Variants in FRMD4B observed in about 807,000 individuals in gnomAD.
FRMD4B encodes the protein FERM domain-containing protein 4B.
Under a neutral mutation model 141.5 loss-of-function variants are expected in FRMD4B, and 74 were observed. The ratio of observed to expected loss-of-function variants is 0.52; its 90% CI spans 0.43 to 0.63. The LOEUF is 0.63. Ranked by LOEUF, FRMD4B falls within the 30% of genes least tolerant of loss-of-function variation. The probability of loss-of-function intolerance (pLI) is 0.00; values close to 1 mark genes in which losing one functional copy is unlikely to be tolerated. For synonymous variants in FRMD4B, 506 were observed against 467.9 expected (o/e 1.08, Z -1.05); for missense variants, 1,366 against 1,253.4 (o/e 1.09, Z -1.36).
At chr3:69,315,935 C>T (rs1007636738) in intron 1 of FRMD4B, among the ~76,000 whole-genome samples, 2 of 152,226 alleles carry the variant, frequency 1.3e-5, no homozygotes, top group African/African-American at 2.4e-5. Flanking sequence ...TGAGTACCAA[C>T]AACCTATTCA....
intron 1 of FRMD4B, among the ~76,000 whole-genome samples, chr3:69,378,628 T>C (rs1704035186): frequency 2.0e-5 from 3 of 152,196 alleles, no homozygotes. Context: ...TGCTTCCCTA[T>C]GCAATACTTC....
At chr3:69,515,510 G>A (rs1186223768) in intron 1 of FRMD4B, among the ~76,000 whole-genome samples, 1 of 152,034 alleles carries the variant, frequency 6.6e-6, no homozygotes, top group Non-Finnish European at 1.5e-5. Context: ...GGACTCATGG[G>A]TATTTTATTC....
At chr3:69,181,793 A>T in intron 20 of FRMD4B, 83 bp from the exon 21 acceptor site, 3 of 775,654 alleles carry the variant, frequency 3.9e-6, no homozygotes, top group South Asian at 1.8e-5. Context: ...ATGCTGAATG[A>T]CTGAATAGCT....
chr3:69,409,169 A>G (rs1575791624), intron 2 of FRMD4B, among the ~76,000 whole-genome samples: 1 of 152,164 alleles, frequency 6.6e-6, no homozygotes, highest in African/African-American at 2.4e-5. Context: ...TTGGTTCAGC[A>G]CTTCTTTGTG....
At position 69,171,924 on chromosome 3, in the gene FRMD4B, G is replaced by T. The variant is rs373666395; in HGVS notation, c.3042C>A (p.Asn1014Lys). Residue 1014 changes from asparagine (N) to lysine (K), a missense_variant, in exon 23 of 23, where the codon AAC becomes AAA. By Grantham distance (94) the Asn-to-Lys change is moderately conservative. Coordinates refer to ENST00000398540, the MANE Select transcript of FRMD4B (RefSeq NM_015123.3). ...AGAGTCTCTGCTCACTACTCTCCAGGTTGTCTTCCAGCTGGTTTCCATCTG... is the reference window on the plus strand; with the variant it reads ...AGAGTCTCTGCTCACTACTCTCCAGTTTGTCTTCCAGCTGGTTTCCATCTG... ...DGTDGNQLED[N>K]LESSEQRLFW... 1.9e-6 allele frequency: 3 copies of T among 1,612,186 alleles called. No individual in the cohort carries two copies. Among genetic ancestry groups the T allele is most frequent in the African/African-American group, 2.7e-5 (2 of 74,862 alleles).
chr3:69,196,753 A>T, intron 13 of FRMD4B, 147 bp downstream of exon 13: 1 of 646,768 alleles, frequency 1.5e-6, no homozygotes, highest in Non-Finnish European at 2.6e-6. Flanking sequence ...GTAAACATAT[A>T]AAAAACCTGA....
intron 1 of FRMD4B, among the ~76,000 whole-genome samples, chr3:69,356,165 A>G (rs1211072847): frequency 6.6e-6 from 1 of 151,966 alleles, no homozygotes; most frequent in Non-Finnish European, 1.5e-5. Flanking sequence ...CAATAAAATC[A>G]CTCTACCCCC....
intron 2 of FRMD4B, among the ~76,000 whole-genome samples, chr3:69,403,621 G>T (rs577836276): frequency 6.6e-6 from 1 of 152,210 alleles, no homozygotes; most frequent in Admixed American, 6.5e-5. Context: ...TTCACAGAGA[G>T]GAGAAACAGG....
intron 2 of FRMD4B, among the ~76,000 whole-genome samples, chr3:69,396,856 C>T (rs1005091992): frequency 6.6e-6 from 1 of 152,114 alleles, no homozygotes; most frequent in East Asian, 1.9e-4. Flanking sequence ...TGAAAACAGG[C>T]ATTTTAAAAA....
rs143541603 is a variant in FRMD4B, at chr3:69,226,846, C to A, written c.582-2156G>T. Reference sequence around the variant, plus strand: ...TGAGGGAGAAATTTTATCTGTCATTCCATTCAATAAGCTCATGGTTGAGAG... The same window carrying A: ...TGAGGGAGAAATTTTATCTGTCATTACATTCAATAAGCTCATGGTTGAGAG... On this transcript the variant is annotated intron_variant, in intron 7 of 22. Coordinates refer to ENST00000398540, the MANE Select transcript of FRMD4B (RefSeq NM_015123.3). Among the ~76,000 whole-genome samples the A allele has an allele frequency of 4.2e-3, 643 of 152,244 alleles. 7 individuals carry two copies. Among genetic ancestry groups the A allele is most frequent in the African/African-American group, 0.014 (575 of 41,556 alleles).
At chr3:69,501,682 G>A (rs1167806524) in intron 1 of FRMD4B, among the ~76,000 whole-genome samples, 1 of 152,118 alleles carries the variant, frequency 6.6e-6, no homozygotes. Context: ...CCTGGCCAGG[G>A]AAATCAGGCA....
At position 69,299,436 on chromosome 3, in the gene FRMD4B, A is replaced by G. The variant is rs866758578; in HGVS notation, c.416+2907T>C. 9.9e-5 allele frequency among the ~76,000 whole-genome samples: 15 copies of G among 152,278 alleles called. 2 individuals carry two copies. The Middle Eastern group carries it at 0.024, about 242-fold the overall frequency. ...CTGGTAACAGTGACTTATTAAAGTA[A>G]TGATTTATGAGAGGAGGGGTGGAGA... is the stretch of plus-strand genomic sequence containing the variant. On this transcript the variant is annotated intron_variant, in intron 4 of 22. Transcript: ENST00000398540.
intron 7 of FRMD4B, among the ~76,000 whole-genome samples, chr3:69,244,216 G>T (rs1290589394): frequency 6.6e-6 from 1 of 152,150 alleles, no homozygotes; most frequent in African/African-American, 2.4e-5. Flanking sequence ...GATGGGAAAG[G>T]AAAGGGGAAA....
At chr3:69,223,922 C>T (rs1173971259) in intron 8 of FRMD4B, among the ~76,000 whole-genome samples, 1 of 152,174 alleles carries the variant, frequency 6.6e-6, no homozygotes, top group Non-Finnish European at 1.5e-5. Context: ...TCAGTACTTA[C>T]TTTCACTATA....
At chr3:69,182,933 AG>A (rs991013033) in intron 19 of FRMD4B, among the ~76,000 whole-genome samples, 3 of 152,196 alleles carry the variant, frequency 2.0e-5, no homozygotes, top group Admixed American at 6.5e-5. Flanking sequence ...ACAAATATGT[AG>A]GGAAAAAAAG....
intron 1 of FRMD4B, among the ~76,000 whole-genome samples, chr3:69,469,789 T>C (rs1705857096): frequency 6.6e-6 from 1 of 152,228 alleles, no homozygotes; most frequent in Non-Finnish European, 1.5e-5. Flanking sequence ...AGGTTTTATA[T>C]AGTTAAGATA....
intron 4 of FRMD4B, among the ~76,000 whole-genome samples, chr3:69,289,750 G>C (rs1344713176): frequency 6.6e-6 from 1 of 152,126 alleles, no homozygotes; most frequent in Non-Finnish European, 1.5e-5. Context: ...AGTGAGCCAA[G>C]ATTATGCCAC....
chr3:69,453,626 G>C (rs1030740285), intron 1 of FRMD4B, among the ~76,000 whole-genome samples: 5 of 152,202 alleles, frequency 3.3e-5, no homozygotes, highest in African/African-American at 1.2e-4. Context: ...ATTCCCAGTA[G>C]AAAACCAATC....
At chr3:69,525,992 C>T (rs1221111571) in intron 1 of FRMD4B, among the ~76,000 whole-genome samples, 1 of 152,126 alleles carries the variant, frequency 6.6e-6, no homozygotes, top group Non-Finnish European at 1.5e-5. Context: ...ATAGCAGGTG[C>T]TTTCGGCATC....
Sources: allele counts gnomAD v4.1 joint callset (sites outside exome capture counted in the v4.1 genomes callset), GRCh38; gene constraint gnomAD v4.1.1; transcripts MANE v1.5; gene names NCBI Gene and HGNC (gene_info 2026-07-23, HGNC 2026-07-21).